THRB: variants seen among roughly 807,000 people sequenced by gnomAD.
THRB encodes the protein nuclear receptor subfamily 1 group A member 2.
A neutral mutation model predicts 47.8 loss-of-function variants in THRB; 12 were observed. The observed-to-expected ratio is 0.25, with a 90% CI of 0.16 to 0.41. The LOEUF is 0.41. THRB is among the 10% of genes least tolerant of loss of function. The pLI, the probability that THRB is intolerant of heterozygous loss-of-function variation, is 1.00. For missense variants in THRB, 348 were observed against 589.2 expected (o/e 0.59, Z 4.24); for synonymous variants, 218 against 212.2 (o/e 1.03, Z -0.24).
intron 1 of THRB, among the ~76,000 whole-genome samples, chr3:24,374,338 T>C (rs1005239415): frequency 6.6e-6 from 1 of 152,154 alleles, no homozygotes; most frequent in Admixed American, 6.6e-5. Context: ...ATATTCATCC[T>C]GAAGCTACAA....
chr3:24,331,260 T>TA (rs1013348353), intron 2 of THRB, among the ~76,000 whole-genome samples: 11 of 150,926 alleles, frequency 7.3e-5, no homozygotes, highest in African/African-American at 9.8e-5. Context: ...CTCCTAAAAT[T>TA]AAAAAATTAA....
intron 3 of THRB, among the ~76,000 whole-genome samples, chr3:24,238,406 T>C (rs1046553562): frequency 6.6e-6 from 1 of 151,498 alleles, no homozygotes; most frequent in Non-Finnish European, 1.5e-5. Context: ...GAATATATAA[T>C]TGTGGTTAGG....
At chr3:24,314,253 T>C (rs1465274819) in intron 2 of THRB, among the ~76,000 whole-genome samples, 1 of 152,208 alleles carries the variant, frequency 6.6e-6, no homozygotes, top group Non-Finnish European at 1.5e-5. Flanking sequence ...AAGCTCAAGG[T>C]ATTTTTTCTA....
chr3:24,133,515 T>C, intron 8 of THRB, 53 bp from the exon 9 acceptor site: 1 of 1,531,496 alleles, frequency 6.5e-7, no homozygotes, highest in Non-Finnish European at 9.0e-7. Flanking sequence ...GGGAGCTTTA[T>C]TTATCATAGT....
At chr3:24,248,281 T>G (rs1479051687) in intron 3 of THRB, among the ~76,000 whole-genome samples, 1 of 152,054 alleles carries the variant, frequency 6.6e-6, no homozygotes, top group African/African-American at 2.4e-5. Context: ...CAACCCCATA[T>G]TGATGCTGCT....
chr3:24,364,961 T>C (rs1368380003), intron 1 of THRB, among the ~76,000 whole-genome samples: 1 of 152,198 alleles, frequency 6.6e-6, no homozygotes, highest in Admixed American at 6.5e-5. Context: ...CTTTTTCATA[T>C]CAGAATGCCC....
At chr3:24,145,357 A>G (rs2035950551) in intron 7 of THRB, among the ~76,000 whole-genome samples, 1 of 152,148 alleles carries the variant, frequency 6.6e-6, no homozygotes, top group Non-Finnish European at 1.5e-5. Flanking sequence ...AAGCAAGTAA[A>G]GGGCACTCAA....
At chr3:24,162,686 C>CAAAAAAAA (rs368706028) in intron 5 of THRB, among the ~76,000 whole-genome samples, 1 of 120,644 alleles carries the variant, frequency 8.3e-6, no homozygotes, top group African/African-American at 2.9e-5. Flanking sequence ...GCTATGAATG[C>CAAAAAAAA]AAAAAAAAAA....
intron 1 of THRB, among the ~76,000 whole-genome samples, chr3:24,410,085 A>G (rs541396775): frequency 6.6e-6 from 1 of 152,000 alleles, no homozygotes; most frequent in East Asian, 2.0e-4. Flanking sequence ...CATTACCAGA[A>G]TATACTACCA....
At chr3:24,365,504 G>A (rs543762100) in intron 1 of THRB, among the ~76,000 whole-genome samples, 1 of 152,104 alleles carries the variant, frequency 6.6e-6, no homozygotes, top group Non-Finnish European at 1.5e-5. Context: ...TAGAAACTTG[G>A]GCCATAGATA....
rs1206943962 is a variant in THRB at position 24,118,959 on chromosome 3, T to C, written c.*3925A>G. 6.7e-6 allele frequency: 1 copy of C among 150,332 alleles called. No homozygotes were observed. 9.3% of individuals were successfully genotyped at this position (150,332 alleles called of 1,614,324 possible). ...AATTCTGTGATAAGGCCAAACCTTT[T>C]TTCCCCCAGTCTGGTTTTTTTTTTT... On this transcript the variant is annotated 3_prime_UTR_variant, in exon 11 of 11. Transcript: ENST00000646209.
At chr3:24,272,979 G>C (rs1163961027) in intron 3 of THRB, among the ~76,000 whole-genome samples, 3 of 152,072 alleles carry the variant, frequency 2.0e-5, no homozygotes, top group Non-Finnish European at 4.4e-5. Flanking sequence ...TGTTGGTTTT[G>C]ACTCAGAGTT....
At chr3:24,247,142 T>C (rs2050184294) in intron 3 of THRB, among the ~76,000 whole-genome samples, 1 of 152,224 alleles carries the variant, frequency 6.6e-6, no homozygotes, top group South Asian at 2.1e-4. Context: ...AGAGTTTCTA[T>C]TTGTTGTGTT....
intron 1 of THRB, among the ~76,000 whole-genome samples, chr3:24,393,707 T>G (rs911259882): frequency 2.6e-5 from 4 of 152,146 alleles, no homozygotes; most frequent in Non-Finnish European, 4.4e-5. Flanking sequence ...TCATGGACAG[T>G]AGCAATGTTT....
chr3:24,401,379 T>C (rs1357133374), intron 1 of THRB, among the ~76,000 whole-genome samples: 1 of 152,092 alleles, frequency 6.6e-6, no homozygotes, highest in Non-Finnish European at 1.5e-5. Context: ...AATATATCCA[T>C]TTAAAGAGAC....
intron 1 of THRB, among the ~76,000 whole-genome samples, chr3:24,406,610 C>T (rs1486491709): frequency 1.4e-5 from 1 of 73,318 alleles, no homozygotes; most frequent in Non-Finnish European, 2.7e-5. Context: ...TTTGCTTGTA[C>T]TCTTAAAAAA....
intron 5 of THRB, among the ~76,000 whole-genome samples, chr3:24,169,292 A>T (rs2040104683): frequency 6.6e-6 from 1 of 152,200 alleles, no homozygotes; most frequent in Non-Finnish European, 1.5e-5. Context: ...CTTAAAAGAC[A>T]CATTAAAAGA....
intron 1 of THRB, among the ~76,000 whole-genome samples, chr3:24,423,673 A>T (rs185714299): frequency 1.3e-5 from 2 of 151,870 alleles, no homozygotes; most frequent in Non-Finnish European, 2.9e-5. Context: ...AATTCCAAGG[A>T]CAGCAATAGT....
At chr3:24,405,483 T>G (rs1447301558) in intron 1 of THRB, among the ~76,000 whole-genome samples, 1 of 151,928 alleles carries the variant, frequency 6.6e-6, no homozygotes, top group Non-Finnish European at 1.5e-5. Flanking sequence ...TCTATTGGAT[T>G]CATAGGAATC....
Sources: allele counts gnomAD v4.1 joint callset (sites outside exome capture counted in the v4.1 genomes callset), GRCh38; gene constraint gnomAD v4.1.1; transcripts MANE v1.5; gene names NCBI Gene and HGNC (gene_info 2026-07-23, HGNC 2026-07-21).